ARHGAP44: variants seen among roughly 807,000 people sequenced by gnomAD.
The protein encoded by ARHGAP44 is Rho GTPase activating protein 44, also known as rho GTPase-activating protein 44.
Under a neutral mutation model 106.8 loss-of-function variants are expected in ARHGAP44, and 43 were observed. The ratio of observed to expected loss-of-function variants is 0.40; its 90% CI spans 0.32 to 0.52. The LOEUF is 0.52. Among genes scored for constraint, ARHGAP44 ranks in the 20% least tolerant of loss-of-function variants. The pLI, the probability that ARHGAP44 is intolerant of heterozygous loss-of-function variation, is 0.48. For missense variants in ARHGAP44, 866 were observed against 1,050.5 expected (o/e 0.82, Z 2.43); for synonymous variants, 439 against 410.3 (o/e 1.07, Z -0.85).
At chr17:12,858,286 A>G (rs899297631) in intron 1 of ARHGAP44, among the ~76,000 whole-genome samples, 2 of 152,076 alleles carry the variant, frequency 1.3e-5, no homozygotes, top group African/African-American at 4.8e-5. Context: ...GCCCTCTGTT[A>G]GTCATGTGGA....
At chr17:12,872,440 C>G (rs1417724819) in intron 1 of ARHGAP44, among the ~76,000 whole-genome samples, 2 of 49,186 alleles carry the variant, frequency 4.1e-5, no homozygotes, top group Non-Finnish European at 8.6e-5. Context: ...GGAGTACATT[C>G]TCAAGAAACT....
intron 1 of ARHGAP44, among the ~76,000 whole-genome samples, chr17:12,873,073 C>T (rs913044686): frequency 2.6e-5 from 4 of 151,904 alleles, no homozygotes; most frequent in South Asian, 2.1e-4. Context: ...AATAGCCTTT[C>T]GTTGCTGCTA....
chr17:12,791,534 A>C (rs2033758087), intron 1 of ARHGAP44, among the ~76,000 whole-genome samples: 1 of 152,148 alleles, frequency 6.6e-6, no homozygotes. Context: ...GCCGTGCTAG[A>C]ATCTAAATGT....
chr17:12,923,048 A>T (rs2038130947), intron 6 of ARHGAP44, among the ~76,000 whole-genome samples: 1 of 152,174 alleles, frequency 6.6e-6, no homozygotes, highest in African/African-American at 2.4e-5. Context: ...TATAAACTTC[A>T]ACTTGGACCC....
chr17:12,979,844 G>C (rs1044047004), intron 18 of ARHGAP44, among the ~76,000 whole-genome samples: 3 of 152,206 alleles, frequency 2.0e-5, no homozygotes, highest in African/African-American at 7.2e-5. Flanking sequence ...AAGTGCCACA[G>C]AGATGGGGGC....
intron 10 of ARHGAP44, among the ~76,000 whole-genome samples, chr17:12,946,726 G>A (rs1397323301): frequency 2.6e-5 from 4 of 151,538 alleles, no homozygotes; most frequent in Non-Finnish European, 5.9e-5. Context: ...GCTTGAACTG[G>A]GGAAGCGGAG....
intron 1 of ARHGAP44, among the ~76,000 whole-genome samples, chr17:12,890,494 A>G (rs9915295): frequency 0.061 from 9,220 of 152,224 alleles, 316 homozygotes; most frequent in East Asian, 0.1. Flanking sequence ...GAATGCAGGG[A>G]ACAGAGTCCT....
chr17:12,950,506 C>T (rs958365973), intron 12 of ARHGAP44, among the ~76,000 whole-genome samples: 3 of 152,174 alleles, frequency 2.0e-5, no homozygotes, highest in Admixed American at 2.0e-4. Context: ...CTGGCTCCCA[C>T]GCATGGTTTT....
At chr17:12,966,208 A>G (rs1380044091) in intron 16 of ARHGAP44, among the ~76,000 whole-genome samples, 1 of 152,048 alleles carries the variant, frequency 6.6e-6, no homozygotes, top group Non-Finnish European at 1.5e-5. Context: ...TAAGTGATGC[A>G]GTAATTTTAC....
chr17:12,903,604 A>T (rs780990089), intron 3 of ARHGAP44, among the ~76,000 whole-genome samples: 4 of 152,120 alleles, frequency 2.6e-5, no homozygotes, highest in Non-Finnish European at 5.9e-5. Context: ...ATTTTTAATT[A>T]ATTTATTTCA....
At position 12,917,109 on chromosome 17, in the gene ARHGAP44, A is replaced by G. The variant is rs72815106; in HGVS notation, c.387+1098A>G. Among the ~76,000 whole-genome samples, 589 of 152,324 alleles carry G rather than the reference A, an allele frequency of 3.9e-3. 5 individuals are homozygous for G. The highest frequency in any genetic ancestry group is 7.1e-3 in the Non-Finnish European group (486 of 68,028). On this transcript the variant is annotated intron_variant, in intron 5 of 20. Coordinates refer to ENST00000379672, the MANE Select transcript of ARHGAP44 (RefSeq NM_014859.6). ...TTCAGATAAGGGACACTCCATCTATATAAAATCTAACCAGCACTATCCCCT... is the reference window on the plus strand; with the variant it reads ...TTCAGATAAGGGACACTCCATCTATGTAAAATCTAACCAGCACTATCCCCT...
chr17:12,894,518 A>G (rs1344573693), intron 1 of ARHGAP44, among the ~76,000 whole-genome samples: 1 of 152,102 alleles, frequency 6.6e-6, no homozygotes, highest in Non-Finnish European at 1.5e-5. Flanking sequence ...TGGTGGTGGC[A>G]TTTGCATTAG....
chr17:12,947,913 T>C (rs986774917), intron 10 of ARHGAP44, among the ~76,000 whole-genome samples: 1 of 152,184 alleles, frequency 6.6e-6, no homozygotes. Context: ...GTACCCTATA[T>C]TGAGAAGGGA....
intron 1 of ARHGAP44, among the ~76,000 whole-genome samples, chr17:12,838,692 G>A (rs2150825109): frequency 6.6e-6 from 1 of 152,192 alleles, no homozygotes; most frequent in South Asian, 2.1e-4. Context: ...TATTTTGAGA[G>A]GGAGTTTCAC....
chr17:12,893,317 C>T (rs1356122842), intron 1 of ARHGAP44, among the ~76,000 whole-genome samples: 2 of 152,142 alleles, frequency 1.3e-5, no homozygotes, highest in Admixed American at 1.3e-4. Flanking sequence ...TTATTGCTCC[C>T]TACTTGGCTT....
At chr17:12,972,153 G>A (rs1157475834) in intron 16 of ARHGAP44, among the ~76,000 whole-genome samples, 1 of 152,142 alleles carries the variant, frequency 6.6e-6, no homozygotes, top group Non-Finnish European at 1.5e-5. Context: ...ATCTCTCTGT[G>A]CAGATACGTG....
chr17:12,878,779 A>G (rs1449926067), intron 1 of ARHGAP44, among the ~76,000 whole-genome samples: 1 of 152,188 alleles, frequency 6.6e-6, no homozygotes, highest in African/African-American at 2.4e-5. Context: ...CTCAACAGTC[A>G]TGAGTCTTTT....
chr17:12,864,370 G>A (rs2036174530), intron 1 of ARHGAP44, among the ~76,000 whole-genome samples: 1 of 152,114 alleles, frequency 6.6e-6, no homozygotes, highest in South Asian at 2.1e-4. Flanking sequence ...GCCACTGTTG[G>A]TTTTGAAGGA....
intron 1 of ARHGAP44, among the ~76,000 whole-genome samples, chr17:12,794,464 A>T (rs900321983): frequency 6.6e-6 from 1 of 152,154 alleles, no homozygotes; most frequent in African/African-American, 2.4e-5. Context: ...TCCTAAGTAG[A>T]AAAGGATTCT....
Sources: gnomAD v4.1 joint callset for allele counts (sites outside exome capture counted in the v4.1 genomes callset) on GRCh38, gnomAD v4.1.1 for gene constraint, MANE v1.5 for transcripts, NCBI Gene and HGNC (gene_info 2026-07-23, HGNC 2026-07-21) for gene names.